The following SLC16A5 variants were observed in gnomAD, a reference collection of about 807,000 sequenced individuals.
The protein encoded by SLC16A5 is solute carrier family 16 member 5, also known as monocarboxylate transporter 6.
Under a neutral mutation model 33.2 loss-of-function variants are expected in SLC16A5, and 29 were observed. The ratio of observed to expected loss-of-function variants is 0.87; its 90% CI spans 0.65 to 1.19. The LOEUF (loss-of-function observed/expected upper bound fraction) is 1.19, where lower values mean the gene tolerates loss of function less well. Ranked by LOEUF, SLC16A5 falls within the 50% of genes most tolerant of loss-of-function variation. SLC16A5 has a pLI of 0.00. For synonymous variants in SLC16A5, 248 were observed against 284.1 expected (o/e 0.87, Z 1.28); for missense variants, 606 against 678.2 (o/e 0.89, Z 1.18).
At chr17:75,108,535 C>T (rs939347660), downstream of SLC16A5, among the ~76,000 whole-genome samples, 7 of 152,272 alleles carry the variant, frequency 4.6e-5, no homozygotes, top group Middle Eastern at 3.4e-3. Context: ...TGCCTTCATC[C>T]GGGCCCAGGG....
chr17:75,109,433 C>T (rs116520877), downstream of SLC16A5, among the ~76,000 whole-genome samples: 2,983 of 152,260 alleles, frequency 0.02, 89 homozygotes, highest in African/African-American at 0.068. This position sits in a 1 kb window ranked among gnomAD's most constrained non-coding sequence, Gnocchi z 5.0. Context: ...TCCAAAGGGG[C>T]GTCCTGGTCA....
intron 1 of SLC16A5, among the ~76,000 whole-genome samples, chr17:75,088,363 C>T (rs758189967): frequency 6.6e-6 from 1 of 152,176 alleles, no homozygotes; most frequent in Non-Finnish European, 1.5e-5. Flanking sequence ...AACCAGATTC[C>T]GGGGCAGCAC....
In SLC16A5 at chr17:75,093,776, C is replaced by T; in HGVS notation, c.140C>T (p.Ala47Val). The change falls in exon 3 of 7, where the codon GCC (alanine) becomes GTC (valine). Residue 47 changes from alanine (A) to valine (V), a missense_variant. By Grantham distance (64) the Ala-to-Val change is moderately conservative. Transcript: ENST00000329783. Reference protein sequence around the residue: ...FFTELQWEFQASNSETSWFPS... With the variant: ...FFTELQWEFQVSNSETSWFPS... ...ACTGAATTGCAATGGGAGTTCCAGG[C>T]CAGCAACAGCGAGACCTCTTGGTTC... 1.2e-6 allele frequency: 2 copies of T among 1,614,172 alleles called. No individual in the cohort carries two copies. The highest frequency in any genetic ancestry group is 1.7e-6 in the Non-Finnish European group (2 of 1,180,014).
At chr17:75,094,992 A>AC (rs1019648808) in intron 3 of SLC16A5, among the ~76,000 whole-genome samples, 1 of 151,676 alleles carries the variant, frequency 6.6e-6, no homozygotes, top group Non-Finnish European at 1.5e-5. Flanking sequence ...GACTGCAGAG[A>AC]CCCCGGCCTC....
downstream of SLC16A5, among the ~76,000 whole-genome samples, chr17:75,109,579 G>A (rs1416166103): frequency 6.6e-6 from 1 of 152,182 alleles, no homozygotes; most frequent in African/African-American, 2.4e-5. This position sits in a 1 kb window ranked among gnomAD's most constrained non-coding sequence, Gnocchi z 5.0. Flanking sequence ...ACCCGACATG[G>A]GTGTCTCATT....
intron 1 of SLC16A5, among the ~76,000 whole-genome samples, chr17:75,088,628 C>T (rs1598142386): frequency 6.6e-6 from 1 of 152,106 alleles, no homozygotes; most frequent in Admixed American, 6.5e-5. Context: ...GGGTCCAGGG[C>T]TCCAGCCCAG....
intron 2 of SLC16A5, chr17:75,090,257 T>G (rs1249787271): frequency 1.3e-5 from 2 of 151,184 alleles, no homozygotes; most frequent in African/African-American, 4.9e-5. Flanking sequence ...CAGGGCTGAA[T>G]TTTGAAAGAC....
downstream of SLC16A5, among the ~76,000 whole-genome samples, chr17:75,107,711 G>A (rs2073873343): frequency 6.6e-6 from 1 of 152,246 alleles, no homozygotes; most frequent in Non-Finnish European, 1.5e-5. Context: ...GGCCAAGGCG[G>A]GTGGATCACG....
In SLC16A5 at chr17:75,103,276, A is replaced by G. The variant is rs532400008; in HGVS notation, c.1154-694A>G. 7.4e-5 allele frequency among the ~76,000 whole-genome samples: 11 copies of G among 149,604 alleles called. No individual in the cohort carries two copies. In the East Asian group the frequency reaches 1.4e-3, roughly 19 times the overall value. ...CCTGACCTCGTGATCCACCTGCCTC[A>G]GCCTCCTAAAGTGCTGGGATTACAG... On this transcript the variant is annotated intron_variant, in intron 5 of 6. Transcript: ENST00000329783.
At chr17:75,107,309 A>T (rs1196752244), downstream of SLC16A5, among the ~76,000 whole-genome samples, 1 of 152,154 alleles carries the variant, frequency 6.6e-6, no homozygotes, top group Non-Finnish European at 1.5e-5. Flanking sequence ...TTCCCAAAAA[A>T]AAAAAAGGTA....
In SLC16A5 at chr17:75,092,961, G is replaced by A. The variant is rs187839033; in HGVS notation, c.-48-628G>A. ...CAAAGGGGCCGATGGGAAAGGCCTG[G>A]GGGTGTGGGGGTGGATGAGGCCCAT... On this transcript the variant is annotated intron_variant, in intron 2 of 6. Transcript: ENST00000329783. Among the ~76,000 whole-genome samples the A allele has an allele frequency of 1.3e-3, 193 of 152,138 alleles. 1 individual carries two copies. The highest frequency in any genetic ancestry group is 5.0e-3 in the South Asian group (24 of 4,820).
At chr17:75,106,954 C>T (rs981706270), downstream of SLC16A5, among the ~76,000 whole-genome samples, 6 of 150,944 alleles carry the variant, frequency 4.0e-5, no homozygotes, top group African/African-American at 1.5e-4. Context: ...CGCTTGAGAC[C>T]AGGACTTCAA....
chr17:75,090,875 G>A (rs2073629222), intron 2 of SLC16A5, among the ~76,000 whole-genome samples: 1 of 152,198 alleles, frequency 6.6e-6, no homozygotes, highest in Non-Finnish European at 1.5e-5. Context: ...GGTTCCGGAG[G>A]GAAGGTGGGA....
chr17:75,104,364 G>T lies in SLC16A5; in HGVS notation c.1364+184G>T, dbSNP rs2145079493. On this transcript the variant is annotated intron_variant, in intron 6 of 6. Coordinates refer to ENST00000329783, the MANE Select transcript of SLC16A5 (RefSeq NM_004695.4). Reference sequence around the variant, plus strand: ...TCCAGGCTCTGCAAGCTGGGACTCTGCCAGGAGCTGGGACTTTGGAGGCTG... The same window carrying T: ...TCCAGGCTCTGCAAGCTGGGACTCTTCCAGGAGCTGGGACTTTGGAGGCTG... 6 of 1,420,408 alleles carry T rather than the reference G, an allele frequency of 4.2e-6. No individual in the cohort carries two copies. The South Asian group carries it at 9.2e-5, about 22-fold the overall frequency. The allele number at this position is 1,420,408 out of a possible 1,614,324, so 88.0% of individuals were successfully genotyped here.
At chr17:75,102,082 A>G (rs2073807321) in intron 5 of SLC16A5, among the ~76,000 whole-genome samples, 1 of 152,198 alleles carries the variant, frequency 6.6e-6, no homozygotes, top group Non-Finnish European at 1.5e-5. Flanking sequence ...TGTGGGACCC[A>G]GGCAAGTCTT....
At chr17:75,092,948 T>A (rs1335565570) in intron 2 of SLC16A5, among the ~76,000 whole-genome samples, 4 of 151,916 alleles carry the variant, frequency 2.6e-5, no homozygotes, top group Admixed American at 2.6e-4. Flanking sequence ...AAGGGGCCGA[T>A]GGGAAAGGCC....
At chr17:75,102,395 GA>G (rs2145066181) in intron 5 of SLC16A5, among the ~76,000 whole-genome samples, 1 of 149,504 alleles carries the variant, frequency 6.7e-6, no homozygotes, top group East Asian at 1.9e-4. Flanking sequence ...GCGACAGAGT[GA>G]AACTCCAACT....
In SLC16A5 at chr17:75,093,757, T is replaced by C. The variant is rs4788863; in HGVS notation, c.121T>C (p.Leu41=). The C allele has an allele frequency of 0.73, 1,171,621 of 1,614,026 alleles. 429,888 individuals are homozygous for C. Among genetic ancestry groups the C allele is most frequent in the African/African-American group, 0.75 (56,157 of 75,000 alleles). The change falls in exon 3 of 7, where the codon TTG becomes CTG. Residue 41 remains leucine (L), a synonymous_variant. Coordinates refer to ENST00000329783, the MANE Select transcript of SLC16A5 (RefSeq NM_004695.4). ...PTCIGIFFTE[L]QWEFQASNSE... ...GTGTATCGGCATCTTCTTCACTGAA[T>C]TGCAATGGGAGTTCCAGGCCAGCAA...
intron 2 of SLC16A5, among the ~76,000 whole-genome samples, chr17:75,092,028 G>GTGTGTGTGTGTGT (rs1555644931): frequency 0.033 from 4,879 of 149,636 alleles, 119 homozygotes; most frequent in African/African-American, 0.071. Context: ...ATGTGAGGGG[G>GTGTGTGTGTGTGT]GTGTGTGTGT....
Sources: gnomAD v4.1 joint callset for allele counts (sites outside exome capture counted in the v4.1 genomes callset) on GRCh38, gnomAD v4.1.1 for gene constraint, Gnocchi (gnomAD v3.1) non-coding constraint, MANE v1.5 for transcripts, NCBI Gene and HGNC (gene_info 2026-07-23, HGNC 2026-07-21) for gene names.